KLRF1: variants seen among roughly 807,000 people sequenced by gnomAD.
KLRF1 encodes killer cell lectin-like receptor subfamily F member 1.
A neutral mutation model predicts 30.7 loss-of-function variants in KLRF1; 27 were observed. The ratio of observed to expected loss-of-function variants is 0.88; its 90% CI spans 0.65 to 1.21. The LOEUF is 1.21. KLRF1 is among the 50% of genes most tolerant of loss of function. KLRF1 has a pLI of 0.00. For synonymous variants in KLRF1, 92 were observed against 89.3 expected, an observed-to-expected ratio of 1.03 and a Z score of -0.17; for missense variants, 246 against 259.3, an observed-to-expected ratio of 0.95 and a Z score of 0.35.
At chr12:9,842,243 TGCAATAACA>T in intron 4 of KLRF1, 69 bp from the exon 5 acceptor site, 3 of 1,530,014 alleles carry the variant, frequency 2.0e-6, no homozygotes, top group South Asian at 1.2e-5. Context: ...AGTGCTTTTT[TGCAATAACA>T]TTTAAAATAT....
the KLRF1 span, among the ~76,000 whole-genome samples, chr12:9,818,481 CCATGACA>C: frequency 1.3e-5 from 2 of 152,158 alleles, no homozygotes; most frequent in African/African-American, 4.8e-5. Context: ...GTGTGAGGAA[CCATGACA>C]ATGGATAAGA....
chr12:9,832,053 C>G (rs1867440334), intron 1 of KLRF1, among the ~76,000 whole-genome samples: 1 of 152,108 alleles, frequency 6.6e-6, no homozygotes, highest in Admixed American at 6.6e-5. Context: ...GAGTAAAATT[C>G]TTTCTACAAA....
intron 3 of KLRF1, 70 bp from the exon 4 acceptor site, chr12:9,841,742 G>T: frequency 1.6e-6 from 2 of 1,225,180 alleles, no homozygotes. Context: ...TGTAAGTATT[G>T]TTCTTATGGC....
chr12:9,829,558 G>T (rs1312296639), intron 1 of KLRF1, among the ~76,000 whole-genome samples: 1 of 152,066 alleles, frequency 6.6e-6, no homozygotes, highest in Non-Finnish European at 1.5e-5. Flanking sequence ...TTCAAGACCT[G>T]CCTGGGCAAC....
chr12:9,820,422 G>A, the KLRF1 span, among the ~76,000 whole-genome samples: 3 of 152,168 alleles, frequency 2.0e-5, no homozygotes, highest in East Asian at 3.9e-4. Flanking sequence ...ACCCCCTGCT[G>A]TGGCTCTCGA....
In KLRF1 at chr12:9,827,609, CA is replaced by C; in HGVS notation, c.66del (p.Ser23LeufsTer10). 1 of 1,601,978 alleles carries C rather than the reference CA, an allele frequency of 6.2e-7. No homozygotes were observed. The highest frequency in any genetic ancestry group is 8.5e-7 in the Non-Finnish European group (1 of 1,170,822). ...VQSKKRSSAQ[T>X]SQLTFKDYSV... ...TCAAAGAAAAGGAGTTCTGCCCAAA[CA>C]TCTCAACTTACATTTAAAGGTATGG... On this transcript the variant is annotated frameshift_variant, in exon 1 of 6. Transcript: ENST00000617889. LOFTEE classifies it high-confidence loss of function.
intron 3 of KLRF1, among the ~76,000 whole-genome samples, chr12:9,839,482 G>T (rs1047570435): frequency 1.3e-5 from 2 of 152,022 alleles, no homozygotes; most frequent in African/African-American, 2.4e-5. Context: ...AAAGATATCA[G>T]ATAGGAGTAT....
chr12:9,833,324 A>G lies in KLRF1; in HGVS notation c.206A>G (p.Lys69Arg). ...CAAGTTTCTCAGGGAGTATTGCTAAAATGCCAAAAAGGAAGTTGTTCAAAT... is the reference window on the plus strand; with the variant it reads ...CAAGTTTCTCAGGGAGTATTGCTAAGATGCCAAAAAGGAAGTTGTTCAAAT... ...ILLVSQGVLL[K>R]CQKGSCSNAT... is the part of the protein sequence containing the mutation. Residue 69 changes from lysine (K) to arginine (R), a missense_variant, in exon 3 of 6, where the codon AAA (lysine) becomes AGA (arginine). By Grantham distance (26) the Lys-to-Arg change is conservative (BLOSUM62 2). Transcript: ENST00000617889. The G allele has an allele frequency of 1.9e-6, 3 of 1,604,140 alleles. No homozygotes were observed. Among genetic ancestry groups the G allele is most frequent in the Non-Finnish European group, 2.6e-6 (3 of 1,176,120 alleles).
chr12:9,830,302 C>T (rs184265265), intron 1 of KLRF1, among the ~76,000 whole-genome samples: 59 of 151,662 alleles, frequency 3.9e-4, no homozygotes, highest in Non-Finnish European at 6.0e-4. Flanking sequence ...CTGGAATTAA[C>T]GGTAGTTTTT....
At chr12:9,843,781 C>T (rs1008996925) in intron 5 of KLRF1, among the ~76,000 whole-genome samples, 3 of 152,028 alleles carry the variant, frequency 2.0e-5, no homozygotes, top group Non-Finnish European at 2.9e-5. Flanking sequence ...ACTTACTTGC[C>T]CTTATCAATT....
At chr12:9,827,021 A>T (rs916888017), upstream of KLRF1, among the ~76,000 whole-genome samples, 2 of 152,200 alleles carry the variant, frequency 1.3e-5, no homozygotes, top group Non-Finnish European at 2.9e-5. Flanking sequence ...CCTGAACCTA[A>T]AAGTTAAAAA....
the KLRF1 span, among the ~76,000 whole-genome samples, chr12:9,819,659 G>C: frequency 6.6e-6 from 1 of 152,114 alleles, no homozygotes; most frequent in African/African-American, 2.4e-5. Context: ...CCTCTGGGAT[G>C]GGGTTTCCAG....
chr12:9,841,711 T>G, intron 3 of KLRF1, 101 bp from the exon 4 acceptor site: 1 of 815,792 alleles, frequency 1.2e-6, no homozygotes, highest in Non-Finnish European at 1.8e-6. Flanking sequence ...TTATTGTAGC[T>G]CAACTCTTAT....
the KLRF1 span, among the ~76,000 whole-genome samples, chr12:9,816,892 AT>A: frequency 1.1e-4 from 17 of 150,056 alleles, no homozygotes; most frequent in Middle Eastern, 3.5e-3. Context: ...CCCGGCTAAT[AT>A]TTTTTTTTCT....
rs376141725 is a variant in KLRF1 at position 9,832,329 on chromosome 12, G to A, written c.99G>A (p.Thr33=). 8.8e-5 allele frequency: 140 copies of A among 1,594,616 alleles called. No homozygotes were observed. In the African/African-American group the frequency reaches 1.2e-3, roughly 14 times the overall value. The change falls in exon 2 of 6, where the codon ACG becomes ACA. Residue 33 remains threonine, a synonymous_variant. Coordinates refer to ENST00000617889, the MANE Select transcript of KLRF1 (RefSeq NM_016523.3). ...TTAATGTCTCAGATTATTCAGTGAC[G>A]TTGCACTGGTATAAAATCTTACTGG... ...SQLTFKDYSV[T]LHWYKILLGI... is the part of the protein sequence containing the mutation.
intron 5 of KLRF1, among the ~76,000 whole-genome samples, chr12:9,842,777 A>G (rs1457429083): frequency 1.3e-5 from 2 of 152,138 alleles, no homozygotes; most frequent in Non-Finnish European, 2.9e-5. Flanking sequence ...TGATTATCAT[A>G]GTGTCAAAAT....
At chr12:9,801,819 G>A in the KLRF1 span, among the ~76,000 whole-genome samples, 13 of 152,074 alleles carry the variant, frequency 8.5e-5, no homozygotes, top group Admixed American at 5.9e-4. Context: ...TCTGAGGATA[G>A]TTTACTTTGC....
intron 1 of KLRF1, among the ~76,000 whole-genome samples, chr12:9,831,361 T>C (rs1300383545): frequency 6.6e-6 from 1 of 152,166 alleles, no homozygotes; most frequent in Non-Finnish European, 1.5e-5. Flanking sequence ...TCTATAGGGT[T>C]CATCATGTGC....
At chr12:9,810,988 C>T in the KLRF1 span, among the ~76,000 whole-genome samples, 4 of 152,056 alleles carry the variant, frequency 2.6e-5, no homozygotes, top group Admixed American at 2.6e-4. Flanking sequence ...AGAGTAAAAG[C>T]AGATGTGTAG....
Sources: allele counts gnomAD v4.1 joint callset (sites outside exome capture counted in the v4.1 genomes callset), GRCh38; gene constraint gnomAD v4.1.1; transcripts MANE v1.5; gene names NCBI Gene and HGNC (gene_info 2026-07-23, HGNC 2026-07-21).